Variants in RGS7 observed in about 807,000 individuals in gnomAD.
RGS7 encodes the protein regulator of G-protein signaling 7.
A neutral mutation model predicts 81.1 loss-of-function variants in RGS7; 27 were observed. The observed-to-expected ratio is 0.33, with a 90% confidence interval of 0.25 to 0.46. The LOEUF is 0.46. Among genes scored for constraint, RGS7 ranks in the 20% least tolerant of loss-of-function variants. The pLI is 1.00. For missense variants in RGS7, 396 were observed against 607.4 expected, an observed-to-expected ratio of 0.65 and a Z score of 3.66; for synonymous variants, 208 against 207.7, an observed-to-expected ratio of 1.00 and a Z score of -0.01.
At chr1:241,148,931 G>A (rs1427026462) in intron 2 of RGS7, among the ~76,000 whole-genome samples, 2 of 152,170 alleles carry the variant, frequency 1.3e-5, no homozygotes, top group Admixed American at 6.5e-5. Flanking sequence ...TTTCGTTAAT[G>A]AGCACATACA....
At chr1:241,004,859 G>A (rs1050243025) in intron 3 of RGS7, among the ~76,000 whole-genome samples, 28 of 152,210 alleles carry the variant, frequency 1.8e-4, no homozygotes, top group African/African-American at 6.8e-4. Flanking sequence ...TTGAGGAGAA[G>A]GGGTTCTGAT....
intron 3 of RGS7, among the ~76,000 whole-genome samples, chr1:241,061,673 C>G (rs935721494): frequency 6.6e-6 from 1 of 152,064 alleles, no homozygotes; most frequent in African/African-American, 2.4e-5. Flanking sequence ...AAGGCAGCGT[C>G]AAAAGGAGGG....
chr1:241,177,508 G>A (rs1257904772), intron 2 of RGS7, among the ~76,000 whole-genome samples: 1 of 151,722 alleles, frequency 6.6e-6, no homozygotes, highest in Non-Finnish European at 1.5e-5. Context: ...GTAAATATAA[G>A]AAGCCCCTTG....
At chr1:241,145,505 A>G (rs1349791986) in intron 2 of RGS7, among the ~76,000 whole-genome samples, 2 of 152,172 alleles carry the variant, frequency 1.3e-5, no homozygotes, top group African/African-American at 4.8e-5. Flanking sequence ...TAAAAATTCT[A>G]TGGGCCAGAC....
chr1:240,919,739 G>A, intron 6 of RGS7: 1 of 638,692 alleles, frequency 1.6e-6, no homozygotes, highest in Non-Finnish European at 2.8e-6. Context: ...GTGAGAGCCT[G>A]AGGGGCCATT....
chr1:240,780,078 T>C (rs1683705989), intron 18 of RGS7, among the ~76,000 whole-genome samples: 1 of 152,198 alleles, frequency 6.6e-6, no homozygotes, highest in African/African-American at 2.4e-5. Flanking sequence ...ACTACTGTAG[T>C]CTCTGTGCTA....
intron 2 of RGS7, among the ~76,000 whole-genome samples, chr1:241,319,781 A>G (rs2081103107): frequency 6.6e-6 from 1 of 152,184 alleles, no homozygotes; most frequent in Non-Finnish European, 1.5e-5. Context: ...AATGTTTTAT[A>G]ATTTAATTTT....
chr1:240,825,035 G>C (rs557977997), intron 10 of RGS7, among the ~76,000 whole-genome samples: 93 of 152,256 alleles, frequency 6.1e-4, no homozygotes, highest in African/African-American at 2.2e-3. Context: ...AATTCCTACT[G>C]TTTAAACCAC....
At chr1:241,259,658 A>AG (rs2077215543) in intron 2 of RGS7, among the ~76,000 whole-genome samples, 1 of 91,630 alleles carries the variant, frequency 1.1e-5, no homozygotes, top group African/African-American at 4.2e-5. Context: ...CTCAAAAAAA[A>AG]AAAAAAAAAA....
chr1:240,863,222 C>T (rs1010764054), intron 9 of RGS7, among the ~76,000 whole-genome samples: 1 of 151,898 alleles, frequency 6.6e-6, no homozygotes, highest in Admixed American at 6.6e-5. Context: ...GCCTATAATC[C>T]CAGCACTTTG....
chr1:241,287,133 C>T (rs779903584), intron 2 of RGS7, among the ~76,000 whole-genome samples: 1 of 152,178 alleles, frequency 6.6e-6, no homozygotes, highest in Non-Finnish European at 1.5e-5. Context: ...GCAGTCTGCC[C>T]TTTAACATAA....
intron 3 of RGS7, among the ~76,000 whole-genome samples, chr1:241,014,161 TTGA>T (rs980169330): frequency 3.9e-5 from 6 of 152,224 alleles, no homozygotes; most frequent in African/African-American, 1.2e-4. Flanking sequence ...TCTTCTTCTC[TTGA>T]TGAAAATAAT....
At chr1:240,832,928 A>T (rs1342600491) in intron 9 of RGS7, among the ~76,000 whole-genome samples, 1 of 152,116 alleles carries the variant, frequency 6.6e-6, no homozygotes, top group Non-Finnish European at 1.5e-5. Flanking sequence ...GCCCACCCCC[A>T]CAAAAGAGAT....
intron 17 of RGS7, 51 bp from the exon 18 acceptor site, chr1:240,800,772 GA>G: frequency 8.6e-7 from 1 of 1,167,478 alleles, no homozygotes; most frequent in South Asian, 1.4e-5. Context: ...CACAATGTCA[GA>G]AAGTTCCAAA....
At position 240,914,535 on chromosome 1, in the gene RGS7, T is replaced by G. The variant is rs1244572178; in HGVS notation, c.385+16182A>C. ...CTCATGGAGAAGAAACAACCAACTTTAAGTATCCCATTACTCTCAGAGGTT... is the reference window on the plus strand; with the variant it reads ...CTCATGGAGAAGAAACAACCAACTTGAAGTATCCCATTACTCTCAGAGGTT... On this transcript the variant is annotated intron_variant, in intron 6 of 18. Transcript: ENST00000440928. Among the ~76,000 whole-genome samples, 5 of 152,270 alleles carry G rather than the reference T, an allele frequency of 3.3e-5. No homozygotes were observed. The East Asian group carries it at 9.7e-4, about 29-fold the overall frequency.
intron 2 of RGS7, among the ~76,000 whole-genome samples, chr1:241,246,133 G>C (rs1225626014): frequency 6.6e-6 from 1 of 151,952 alleles, no homozygotes; most frequent in African/African-American, 2.4e-5. Context: ...ACCGAAACGT[G>C]TGTGTGTCTG....
intron 2 of RGS7, among the ~76,000 whole-genome samples, chr1:241,293,499 G>C (rs976764422): frequency 7.2e-5 from 11 of 151,824 alleles, no homozygotes; most frequent in Admixed American, 7.2e-4. Flanking sequence ...GACCTTTGTG[G>C]AGGTGGAAAC....
At chr1:240,810,065 C>T (rs1284270092) in intron 14 of RGS7, among the ~76,000 whole-genome samples, 4 of 152,160 alleles carry the variant, frequency 2.6e-5, no homozygotes, top group African/African-American at 7.2e-5. Context: ...GGCATCTTCT[C>T]TCTTCCTGTT....
intron 2 of RGS7, among the ~76,000 whole-genome samples, chr1:241,298,308 T>G (rs2079541547): frequency 6.6e-6 from 1 of 152,180 alleles, no homozygotes; most frequent in African/African-American, 2.4e-5. Context: ...AAGAATTAAT[T>G]AGAAGCTAGG....
Sources: allele counts gnomAD v4.1 joint callset (sites outside exome capture counted in the v4.1 genomes callset), GRCh38; gene constraint gnomAD v4.1.1; transcripts MANE v1.5; gene names NCBI Gene and HGNC (gene_info 2026-07-23, HGNC 2026-07-21).